Variants in LPP observed in about 807,000 individuals in gnomAD.
LPP encodes the protein lipoma-preferred partner.
A neutral mutation model predicts 60.4 loss-of-function variants in LPP; 38 were observed. That is an observed-to-expected ratio of 0.63 (90% CI 0.49 to 0.83). The LOEUF (loss-of-function observed/expected upper bound fraction) is 0.83. LPP is among the 40% of genes least tolerant of loss of function. The pLI, the probability that LPP is intolerant of heterozygous loss-of-function variation, is 0.00. For missense variants in LPP, 902 were observed against 783.6 expected (o/e 1.15, Z -1.80); for synonymous variants, 328 against 290.8 (o/e 1.13, Z -1.30).
intron 8 of LPP, among the ~76,000 whole-genome samples, chr3:188,733,649 T>C (rs1721457203): frequency 6.6e-6 from 1 of 152,208 alleles, no homozygotes; most frequent in Non-Finnish European, 1.5e-5. Context: ...ATTGCTAGTT[T>C]AAAGGAAACT....
At chr3:188,815,416 A>G (rs1326782495) in intron 9 of LPP, among the ~76,000 whole-genome samples, 2 of 152,166 alleles carry the variant, frequency 1.3e-5, no homozygotes, top group Non-Finnish European at 2.9e-5. Context: ...TTTGGTTTTA[A>G]AGCACTTCAT....
intron 7 of LPP, among the ~76,000 whole-genome samples, chr3:188,624,603 T>C (rs1010482692): frequency 6.6e-5 from 10 of 152,152 alleles, no homozygotes; most frequent in African/African-American, 2.2e-4. Flanking sequence ...CTGTTCAGCC[T>C]TCTGTGGCAG....
intron 7 of LPP, among the ~76,000 whole-genome samples, chr3:188,633,708 A>G (rs779147952): frequency 7.2e-5 from 11 of 152,236 alleles, no homozygotes; most frequent in Non-Finnish European, 1.3e-4. Context: ...CACAATATTT[A>G]CAAGTAAAAT....
intron 6 of LPP, among the ~76,000 whole-genome samples, chr3:188,595,567 A>C (rs1427240627): frequency 2.0e-5 from 3 of 152,222 alleles, no homozygotes; most frequent in Admixed American, 1.3e-4. Flanking sequence ...TCCAGCTAAT[A>C]GTGTGTAGAA....
rs1770742464 is a variant in LPP, at chr3:188,886,859, C to T, written c.*12380C>T. 1 of 229,556 alleles carries T rather than the reference C, an allele frequency of 4.4e-6. No homozygotes were observed. The highest frequency in any genetic ancestry group is 2.2e-5 in the African/African-American group (1 of 45,020). The allele number at this position is 229,556 out of a possible 1,614,324, so 14.2% of individuals were successfully genotyped here. On this transcript the variant is annotated 3_prime_UTR_variant, in exon 12 of 12. Transcript: ENST00000617246. ...AAATTAATAAATCCTAAACCTGACC[C>T]ATTTTTGTAACAGCTAAAAAGGAGA...
intron 4 of LPP, among the ~76,000 whole-genome samples, chr3:188,435,977 C>T (rs530587558): frequency 2.6e-5 from 4 of 152,154 alleles, no homozygotes; most frequent in Non-Finnish European, 5.9e-5. Flanking sequence ...AGCAACATTC[C>T]CACCATTTGA....
intron 1 of LPP, among the ~76,000 whole-genome samples, chr3:188,158,849 G>A (rs186535615): frequency 6.6e-6 from 1 of 152,290 alleles, no homozygotes; most frequent in East Asian, 1.9e-4. Context: ...GCTTGTCTGT[G>A]TTCTTCCCTG....
intron 7 of LPP, among the ~76,000 whole-genome samples, chr3:188,693,609 G>A (rs781580963): frequency 6.6e-6 from 1 of 152,060 alleles, no homozygotes; most frequent in Non-Finnish European, 1.5e-5. Flanking sequence ...TTTGTTTGTC[G>A]AGGAAAAGGA....
intron 1 of LPP, among the ~76,000 whole-genome samples, chr3:188,186,389 G>A (rs1261550708): frequency 6.6e-6 from 1 of 152,170 alleles, no homozygotes; most frequent in Non-Finnish European, 1.5e-5. Context: ...AAGAGCTTGG[G>A]TAGAGAAGGG....
At chr3:188,251,969 G>A (rs140857877) in intron 2 of LPP, among the ~76,000 whole-genome samples, 2,755 of 139,726 alleles carry the variant, frequency 0.02, 41 homozygotes, top group South Asian at 0.032. Flanking sequence ...GCTCCACCTT[G>A]TTATTCCCCA....
At chr3:188,854,974 A>G (rs1763475774) in intron 9 of LPP, among the ~76,000 whole-genome samples, 1 of 152,118 alleles carries the variant, frequency 6.6e-6, no homozygotes, top group African/African-American at 2.4e-5. Flanking sequence ...TTTAATTCTG[A>G]TCTGAAATGT....
At chr3:188,531,538 G>T (rs1822176783) in intron 6 of LPP, among the ~76,000 whole-genome samples, 1 of 152,008 alleles carries the variant, frequency 6.6e-6, no homozygotes, top group African/African-American at 2.4e-5. Flanking sequence ...GATGAGAAAG[G>T]GGCTAGAGAT....
At chr3:188,847,397 A>C (rs1761700840) in intron 9 of LPP, among the ~76,000 whole-genome samples, 1 of 152,226 alleles carries the variant, frequency 6.6e-6, no homozygotes. Flanking sequence ...TGGAGAAATC[A>C]AAGAAGACTC....
chr3:188,863,567 G>A (rs1322119146), intron 9 of LPP, among the ~76,000 whole-genome samples: 1 of 152,120 alleles, frequency 6.6e-6, no homozygotes, highest in East Asian at 1.9e-4. Context: ...AAGGCTACTG[G>A]TAGGCCCCAC....
At chr3:188,851,247 T>G (rs944050327) in intron 9 of LPP, among the ~76,000 whole-genome samples, 1 of 152,272 alleles carries the variant, frequency 6.6e-6, no homozygotes, top group Non-Finnish European at 1.5e-5. Flanking sequence ...TATGATTCTA[T>G]GTGAAGTTCT....
intron 3 of LPP, among the ~76,000 whole-genome samples, chr3:188,368,680 TCTCACACACACACACACA>T (rs60824952): frequency 0.017 from 1,594 of 95,296 alleles, 28 homozygotes; most frequent in African/African-American, 0.06. Context: ...ACACACACAC[TCTCACACACACACACACA>T]CACACACACA....
At chr3:188,753,576 TGTGC>T (rs1553829850) in intron 8 of LPP, among the ~76,000 whole-genome samples, 5 of 130,544 alleles carry the variant, frequency 3.8e-5, no homozygotes, top group Non-Finnish European at 8.4e-5. Flanking sequence ...TGGCTTGTTG[TGTGC>T]GTGTGTGTGT....
At chr3:188,869,192 G>C (rs1046027873) in intron 10 of LPP, among the ~76,000 whole-genome samples, 2 of 152,316 alleles carry the variant, frequency 1.3e-5, no homozygotes, top group Middle Eastern at 6.8e-3. Context: ...GCTGTAACTA[G>C]AGCAGCCTGG....
intron 9 of LPP, among the ~76,000 whole-genome samples, chr3:188,769,660 T>C (rs2150648952): frequency 6.6e-6 from 1 of 152,310 alleles, no homozygotes; most frequent in East Asian, 1.9e-4. Context: ...CCTGAGGTTA[T>C]ACGATTTATT....
Sources: gnomAD v4.1 joint callset for allele counts (sites outside exome capture counted in the v4.1 genomes callset) on GRCh38, gnomAD v4.1.1 for gene constraint, MANE v1.5 for transcripts, NCBI Gene and HGNC (gene_info 2026-07-23, HGNC 2026-07-21) for gene names.